The following JPH1 variants were observed in gnomAD, a reference collection of about 807,000 sequenced individuals.
The protein encoded by JPH1 is junctophilin 1.
A neutral mutation model predicts 53.6 loss-of-function variants in JPH1; 12 were observed. The observed-to-expected ratio is 0.22, with a 90% confidence interval of 0.14 to 0.36. The LOEUF (loss-of-function observed/expected upper bound fraction) is 0.36, where lower values mean the gene tolerates loss of function less well. Ranked by LOEUF, JPH1 falls within the 10% of genes least tolerant of loss-of-function variation. The pLI is 1.00. For missense variants in JPH1, 808 were observed against 905.5 expected (o/e 0.89, Z 1.38); for synonymous variants, 375 against 363.8 (o/e 1.03, Z -0.35).
At chr8:74,288,374 C>T (rs1392882744) in intron 2 of JPH1, among the ~76,000 whole-genome samples, 1 of 152,128 alleles carries the variant, frequency 6.6e-6, no homozygotes, top group East Asian at 1.9e-4. Context: ...CCCATTTCTT[C>T]AACAGCATGC....
intron 2 of JPH1, among the ~76,000 whole-genome samples, chr8:74,282,214 C>T (rs892023440): frequency 6.6e-6 from 1 of 152,206 alleles, no homozygotes; most frequent in African/African-American, 2.4e-5. Context: ...CCACACTCCA[C>T]TACCTTAAAT....
chr8:74,315,598 G>T lies in JPH1; in HGVS notation c.402C>A (p.Ala134=). Residue 134 remains alanine (A), a synonymous_variant, in exon 2 of 6, where the codon GCC becomes GCA. Transcript: ENST00000342232. The surrounding 1 kb of genome is among the most constrained non-coding windows in gnomAD (Gnocchi z 6.3). ...GDGGTYQGQW[A]GGMRHGYGVR... ...CGCCGTAGCCATGCCGCATGCCTCC[G>T]GCCCACTGGCCCTGGTAGGTACCTT... 1 of 1,601,796 alleles carries T rather than the reference G, an allele frequency of 6.2e-7. No individual in the cohort carries two copies. The highest frequency in any genetic ancestry group is 8.5e-7 in the Non-Finnish European group (1 of 1,177,684).
chr8:74,302,940 C>T (rs1022099226), intron 2 of JPH1, among the ~76,000 whole-genome samples: 3 of 138,296 alleles, frequency 2.2e-5, no homozygotes, highest in African/African-American at 8.4e-5. Flanking sequence ...TATTTTGTTC[C>T]AGTAGGTTGC....
chr8:74,240,126 G>A (rs1164856256), intron 4 of JPH1, among the ~76,000 whole-genome samples: 4 of 151,784 alleles, frequency 2.6e-5, no homozygotes, highest in African/African-American at 9.7e-5. Flanking sequence ...TGTTCACTAC[G>A]ATGCCCAGCT....
At chr8:74,273,880 G>A (rs1028622937) in intron 2 of JPH1, among the ~76,000 whole-genome samples, 1 of 152,076 alleles carries the variant, frequency 6.6e-6, no homozygotes, top group Non-Finnish European at 1.5e-5. Flanking sequence ...AGTTATGAAG[G>A]AGGTGTCTTA....
chr8:74,311,725 G>C (rs543407398), intron 2 of JPH1, among the ~76,000 whole-genome samples: 1 of 128,884 alleles, frequency 7.8e-6, no homozygotes, highest in South Asian at 2.4e-4. Context: ...CTGTGTCCAT[G>C]TGTTCTCATT....
In JPH1 at chr8:74,315,361, C is replaced by A. The variant is rs1047107055; in HGVS notation, c.639G>T (p.Arg213=). 12 of 1,612,780 alleles carry A rather than the reference C, an allele frequency of 7.4e-6. No homozygotes were observed. The African/African-American group carries it at 1.5e-4, about 20-fold the overall frequency. The change falls in exon 2 of 6, where the codon CGG becomes CGT. Residue 213 remains arginine (R), a synonymous_variant. Coordinates refer to ENST00000342232, the MANE Select transcript of JPH1 (RefSeq NM_020647.4). This position sits in a 1 kb window ranked among gnomAD's most constrained non-coding sequence, Gnocchi z 6.3. ...LAGKKKGGLF[R]RGSLLGSMKL... The stretch of plus-strand genomic sequence containing the variant: ...TCATGCTTCCAAGAAGGGAGCCCCT[C>A]CGGAAGAGGCCGCCCTTCTTCTTGC...
chr8:74,284,123 C>A (rs958795030), intron 2 of JPH1, among the ~76,000 whole-genome samples: 10 of 152,156 alleles, frequency 6.6e-5, no homozygotes, highest in Non-Finnish European at 1.0e-4. Context: ...GGAGCCAGGG[C>A]TGGTGAATGA....
At chr8:74,256,620 A>C (rs922274872) in intron 3 of JPH1, among the ~76,000 whole-genome samples, 3 of 152,200 alleles carry the variant, frequency 2.0e-5, no homozygotes, top group Admixed American at 6.5e-5. Flanking sequence ...GACACTTCTC[A>C]AAAGAAGACA....
At chr8:74,249,382 A>T (rs1805967823) in intron 3 of JPH1, among the ~76,000 whole-genome samples, 1 of 152,220 alleles carries the variant, frequency 6.6e-6, no homozygotes, top group East Asian at 1.9e-4. Context: ...TGGTAGCAGG[A>T]TCACTTTTTG....
intron 1 of JPH1, among the ~76,000 whole-genome samples, chr8:74,319,891 CA>C (rs1808265633): frequency 6.6e-6 from 1 of 152,214 alleles, no homozygotes; most frequent in African/African-American, 2.4e-5. Flanking sequence ...CAAGGAAATT[CA>C]TCAGGTTTTG....
At chr8:74,263,480 C>T (rs962430196) in intron 2 of JPH1, among the ~76,000 whole-genome samples, 4 of 152,198 alleles carry the variant, frequency 2.6e-5, no homozygotes, top group African/African-American at 9.6e-5. Flanking sequence ...GCAATTGGCA[C>T]ATAAAAACCC....
chr8:74,294,816 C>T (rs1807457260), intron 2 of JPH1, among the ~76,000 whole-genome samples: 1 of 152,244 alleles, frequency 6.6e-6, no homozygotes, highest in Non-Finnish European at 1.5e-5. Context: ...CCACTTTCTA[C>T]TTTAAATTTA....
intron 3 of JPH1, among the ~76,000 whole-genome samples, chr8:74,246,186 C>T (rs1029209210): frequency 6.6e-6 from 1 of 152,166 alleles, no homozygotes; most frequent in African/African-American, 2.4e-5. Context: ...GTGCAACTGA[C>T]CCTCTTCCTC....
chr8:74,282,583 C>T (rs2131421212), intron 2 of JPH1, among the ~76,000 whole-genome samples: 1 of 152,236 alleles, frequency 6.6e-6, no homozygotes, highest in East Asian at 1.9e-4. Context: ...CACATGGTTT[C>T]ATTCTTTTGC....
Position 74,244,773 on chromosome 8 carries a change from T to C in JPH1, c.1661A>G (p.Tyr554Cys), listed in dbSNP as rs574443971. 51 of 1,614,206 alleles carry C rather than the reference T, an allele frequency of 3.2e-5. No homozygotes were observed. In the South Asian group the frequency reaches 4.8e-4, roughly 15 times the overall value. Residue 554 changes from tyrosine to cysteine, a missense_variant, in exon 4 of 6, where the codon TAC becomes TGC. Tyr to Cys is a radical substitution (Grantham distance 194). Coordinates refer to ENST00000342232, the MANE Select transcript of JPH1 (RefSeq NM_020647.4). ...GELHSQYHGY[Y>C]VKLNAPQHPP... ...GTGCTGGGGGGCGTTCAGCTTCACG[T>C]AGTAGCCGTGATACTGAGAATGCAG...
At position 74,244,766 on chromosome 8, in the gene JPH1, C is replaced by T; in HGVS notation, c.1668G>A (p.Lys556=). 1 of 1,614,210 alleles carries T rather than the reference C, an allele frequency of 6.2e-7. No individual in the cohort carries two copies. The highest frequency in any genetic ancestry group is 8.5e-7 in the Non-Finnish European group (1 of 1,180,040). The change falls in exon 4 of 6, where the codon AAG becomes AAA. Residue 556 remains lysine, a synonymous_variant. Coordinates refer to ENST00000342232, the MANE Select transcript of JPH1 (RefSeq NM_020647.4). ...LHSQYHGYYV[K]LNAPQHPPVD... ...CTGGAGGGTGCTGGGGGGCGTTCAGCTTCACGTAGTAGCCGTGATACTGAG... is the reference window on the plus strand; with the variant it reads ...CTGGAGGGTGCTGGGGGGCGTTCAGTTTCACGTAGTAGCCGTGATACTGAG...
chr8:74,259,625 G>A, intron 2 of JPH1, 122 bp from the exon 3 acceptor site: 1 of 711,152 alleles, frequency 1.4e-6, no homozygotes, highest in Non-Finnish European at 2.2e-6. Flanking sequence ...ACCCACAAGA[G>A]CAAAAATTTT....
chr8:74,314,765 C>G, intron 2 of JPH1, 96 bp downstream of exon 2: 1 of 1,361,386 alleles, frequency 7.3e-7, no homozygotes, highest in Non-Finnish European at 1.0e-6. Context: ...TTGTAGAAAG[C>G]ATTTAGCGAT....
Sources: allele counts gnomAD v4.1 joint callset (sites outside exome capture counted in the v4.1 genomes callset), GRCh38; gene constraint gnomAD v4.1.1; non-coding constraint Gnocchi (gnomAD v3.1); transcripts MANE v1.5; gene names NCBI Gene and HGNC (gene_info 2026-07-23, HGNC 2026-07-21).